The following LINGO2 variants were observed in gnomAD, a reference collection of about 807,000 sequenced individuals.
LINGO2 encodes the protein leucine-rich repeat and immunoglobulin-like domain-containing nogo receptor-interacting protein 2.
LINGO2 carries 14 observed loss-of-function variants against 30.6 expected under a neutral mutation model. The observed-to-expected ratio is 0.46, with a 90% CI of 0.30 to 0.72. The LOEUF is 0.72. Ranked by LOEUF, LINGO2 falls within the 30% of genes least tolerant of loss-of-function variation. The pLI is 0.07. For synonymous variants in LINGO2, 317 were observed against 288.5 expected, an observed-to-expected ratio of 1.10 and a Z score of -1.00; for missense variants, 729 against 751.7, an observed-to-expected ratio of 0.97 and a Z score of 0.35.
intron 1 of LINGO2, among the ~76,000 whole-genome samples, chr9:28,618,561 C>T (rs1826242937): frequency 2.0e-5 from 3 of 152,156 alleles, no homozygotes; most frequent in South Asian, 4.1e-4. Context: ...ATAAATTAAA[C>T]ATTTAAATCC....
the LINGO2 span, among the ~76,000 whole-genome samples, chr9:28,740,344 G>A: frequency 6.6e-6 from 1 of 151,638 alleles, no homozygotes; most frequent in African/African-American, 2.4e-5. Context: ...GAAAAAAATT[G>A]TATTGAAATA....
At chr9:29,178,754 T>A in the LINGO2 span, among the ~76,000 whole-genome samples, 1 of 152,116 alleles carries the variant, frequency 6.6e-6, no homozygotes, top group Non-Finnish European at 1.5e-5. Context: ...TGGAATTAAC[T>A]AAGCACAGAG....
At chr9:28,041,611 A>G (rs1231872008) in intron 4 of LINGO2, among the ~76,000 whole-genome samples, 1 of 152,210 alleles carries the variant, frequency 6.6e-6, no homozygotes, top group African/African-American at 2.4e-5. Context: ...CTTGAGATGT[A>G]AAATCCATCA....
the LINGO2 span, among the ~76,000 whole-genome samples, chr9:29,166,749 T>C: frequency 6.6e-6 from 1 of 152,144 alleles, no homozygotes; most frequent in Non-Finnish European, 1.5e-5. Flanking sequence ...TCCAATTTGT[T>C]GAACTCTTAA....
chr9:28,778,198 A>G, the LINGO2 span, among the ~76,000 whole-genome samples: 14 of 152,206 alleles, frequency 9.2e-5, no homozygotes, highest in African/African-American at 3.4e-4. Flanking sequence ...TTAAACTAAT[A>G]GTATATTTCC....
At chr9:29,133,649 C>T in the LINGO2 span, among the ~76,000 whole-genome samples, 2 of 152,060 alleles carry the variant, frequency 1.3e-5, no homozygotes, top group East Asian at 3.9e-4. Context: ...GCTCACATAA[C>T]TGACACATTT....
chr9:28,355,995 CACTT>C (rs1324407608), intron 3 of LINGO2, among the ~76,000 whole-genome samples: 2 of 152,118 alleles, frequency 1.3e-5, no homozygotes, highest in East Asian at 3.9e-4. Context: ...GTTACAATGA[CACTT>C]ACAGCATTTA....
chr9:28,102,785 T>C (rs1003711482), intron 4 of LINGO2, among the ~76,000 whole-genome samples: 1 of 152,268 alleles, frequency 6.6e-6, no homozygotes, highest in South Asian at 2.1e-4. Context: ...TTATTCACAA[T>C]AGCTTGTACC....
chr9:28,366,702 A>C (rs1400919972), intron 3 of LINGO2, among the ~76,000 whole-genome samples: 2 of 150,594 alleles, frequency 1.3e-5, no homozygotes, highest in African/African-American at 4.9e-5. Flanking sequence ...TACTTTCCCA[A>C]GGTAAGTGGT....
the LINGO2 span, among the ~76,000 whole-genome samples, chr9:28,927,301 T>C: frequency 6.6e-6 from 1 of 152,208 alleles, no homozygotes; most frequent in South Asian, 2.1e-4. Context: ...TATAGACTTT[T>C]AAGTGTTAGG....
intron 1 of LINGO2, among the ~76,000 whole-genome samples, chr9:28,482,173 G>A (rs1401464960): frequency 6.6e-6 from 1 of 151,930 alleles, no homozygotes; most frequent in Non-Finnish European, 1.5e-5. Flanking sequence ...GGTATTTCTA[G>A]TTCTAGATCC....
At position 28,622,872 on chromosome 9, in the gene LINGO2, A is replaced by G. The variant is rs778475884; in HGVS notation, c.-365+47328T>C. On this transcript the variant is annotated intron_variant, in intron 1 of 5. Coordinates refer to ENST00000379992, the Ensembl canonical transcript of LINGO2. Reference sequence around the variant, plus strand: ...ATTGATTATTGCCTGTCATTTGTATATATGCCATTTTAACTGGGGTGAGAT... The same window carrying G: ...ATTGATTATTGCCTGTCATTTGTATGTATGCCATTTTAACTGGGGTGAGAT... Among the ~76,000 whole-genome samples the G allele has an allele frequency of 9.2e-5, 14 of 151,892 alleles. 1 individual carries two copies. The highest frequency in any genetic ancestry group is 1.9e-4 in the Non-Finnish European group (13 of 67,932).
At chr9:28,282,725 T>C (rs1823371875) in intron 4 of LINGO2, among the ~76,000 whole-genome samples, 1 of 152,032 alleles carries the variant, frequency 6.6e-6, no homozygotes, top group Non-Finnish European at 1.5e-5. Flanking sequence ...TTCTAGGAGG[T>C]ATGGGTTTGA....
chr9:28,506,942 T>C (rs916785040), intron 1 of LINGO2, among the ~76,000 whole-genome samples: 1 of 152,124 alleles, frequency 6.6e-6, no homozygotes, highest in Admixed American at 6.6e-5. Flanking sequence ...CCTACATTAC[T>C]ATAAAATTCA....
intron 1 of LINGO2, among the ~76,000 whole-genome samples, chr9:28,641,812 G>T (rs1341632086): frequency 6.6e-6 from 1 of 152,166 alleles, no homozygotes; most frequent in Admixed American, 6.6e-5. Context: ...TGGAGAGAAG[G>T]AAAGCAAGTG....
rs372065415 is a variant in LINGO2 at position 28,033,430 on chromosome 9, G to T, written c.-86-21025C>A. ...TCTTGCCCACTTGCACTGGCCTGCTGTTCTGCCCTACTGAAACCTGTGCAG... is the reference window on the plus strand; with the variant it reads ...TCTTGCCCACTTGCACTGGCCTGCTTTTCTGCCCTACTGAAACCTGTGCAG... On this transcript the variant is annotated intron_variant, in intron 4 of 5. Coordinates refer to ENST00000379992, the Ensembl canonical transcript of LINGO2. 9.9e-4 allele frequency among the ~76,000 whole-genome samples: 151 copies of T among 152,266 alleles called. 1 individual carries two copies. Among genetic ancestry groups the T allele is most frequent in the African/African-American group, 3.6e-3 (148 of 41,562 alleles).
chr9:28,707,022 T>A, the LINGO2 span, among the ~76,000 whole-genome samples: 9 of 152,132 alleles, frequency 5.9e-5, no homozygotes, highest in African/African-American at 2.2e-4. Context: ...TTCTTATAGA[T>A]CTATGTTCCC....
chr9:28,277,676 G>A (rs1823165741), intron 4 of LINGO2, among the ~76,000 whole-genome samples: 1 of 151,770 alleles, frequency 6.6e-6, no homozygotes, highest in Admixed American at 6.6e-5. Context: ...GGGTGTGGTG[G>A]CAGGCACCTG....
chr9:28,742,281 T>A, the LINGO2 span, among the ~76,000 whole-genome samples: 12 of 147,082 alleles, frequency 8.2e-5, no homozygotes, highest in Admixed American at 1.3e-4. Context: ...TTTTTTTTTT[T>A]AATTTCTGCA....
Sources: gnomAD v4.1 joint callset for allele counts (sites outside exome capture counted in the v4.1 genomes callset) on GRCh38, gnomAD v4.1.1 for gene constraint, MANE v1.5 for transcripts, NCBI Gene and HGNC (gene_info 2026-07-23, HGNC 2026-07-21) for gene names.